ADGRB3: variants seen among roughly 807,000 people sequenced by gnomAD.
ADGRB3 encodes brain-specific angiogenesis inhibitor 3.
ADGRB3 carries 37 observed loss-of-function variants against 193.4 expected under a neutral mutation model. The observed-to-expected ratio is 0.19, with a 90% CI of 0.15 to 0.25. The LOEUF (loss-of-function observed/expected upper bound fraction) is 0.25, where lower values mean the gene tolerates loss of function less well. Ranked by LOEUF, ADGRB3 falls within the 10% of genes least tolerant of loss-of-function variation. The pLI is 1.00. For synonymous variants in ADGRB3, 690 were observed against 644.2 expected (o/e 1.07, Z -1.08); for missense variants, 1,637 against 1,852.9 (o/e 0.88, Z 2.14).
At chr6:69,249,223 G>T (rs1766565607) in intron 20 of ADGRB3, among the ~76,000 whole-genome samples, 1 of 152,092 alleles carries the variant, frequency 6.6e-6, no homozygotes, top group South Asian at 2.1e-4. Context: ...TGTTCTGCCT[G>T]CCTTGGCGTC....
rs758454899 is a variant in ADGRB3, at chr6:68,936,699, A to G, written c.1030+19A>G. The G allele has an allele frequency of 5.0e-6, 8 of 1,602,640 alleles. No individual in the cohort carries two copies. Among genetic ancestry groups the G allele is most frequent in the Non-Finnish European group, 6.8e-6 (8 of 1,172,768 alleles). ...TGTCCAGGTAGTGTTAGCAGCAACT[A>G]CAACTGTGGATGTTATTGAATTGTG... On this transcript the variant is annotated intron_variant, in intron 5 of 31. Coordinates refer to ENST00000370598, the MANE Select transcript of ADGRB3 (RefSeq NM_001704.3).
intron 20 of ADGRB3, among the ~76,000 whole-genome samples, chr6:69,294,029 T>C (rs549285376): frequency 3.0e-4 from 45 of 152,282 alleles, no homozygotes; most frequent in African/African-American, 1.1e-3. Context: ...CTCCTATTGC[T>C]AATCTCTTGG....
At chr6:69,010,661 G>T (rs1424175908) in intron 11 of ADGRB3, among the ~76,000 whole-genome samples, 1 of 151,578 alleles carries the variant, frequency 6.6e-6, no homozygotes, top group African/African-American at 2.4e-5. Flanking sequence ...GTTAATAATT[G>T]ATGGGGAAAA....
At chr6:69,093,876 T>C (rs1772790302) in intron 17 of ADGRB3, among the ~76,000 whole-genome samples, 1 of 152,172 alleles carries the variant, frequency 6.6e-6, no homozygotes, top group African/African-American at 2.4e-5. Context: ...TTTGCTTTGC[T>C]AGGGAGTTTG....
intron 20 of ADGRB3, among the ~76,000 whole-genome samples, chr6:69,258,688 G>A (rs1266956825): frequency 6.6e-6 from 1 of 152,214 alleles, no homozygotes; most frequent in Non-Finnish European, 1.5e-5. Context: ...ATATATTTGA[G>A]AAATGAAGTG....
intron 20 of ADGRB3, among the ~76,000 whole-genome samples, chr6:69,273,592 C>G (rs1767227610): frequency 1.3e-5 from 2 of 152,226 alleles, no homozygotes; most frequent in African/African-American, 4.8e-5. Flanking sequence ...CACTTTCATC[C>G]CTTGGTTTCC....
In ADGRB3 at chr6:69,109,469, A is replaced by G. The variant is rs559951368; in HGVS notation, c.2480+33431A>G. On this transcript the variant is annotated intron_variant, in intron 17 of 31. Coordinates refer to ENST00000370598, the MANE Select transcript of ADGRB3 (RefSeq NM_001704.3). ...AATAAAAGTAAATAGTAAAAATAGC[A>G]ATGATAAGAAGTAATACTGATTACT... Among the ~76,000 whole-genome samples, 4 of 152,318 alleles carry G rather than the reference A, an allele frequency of 2.6e-5. No homozygotes were observed. The South Asian group carries it at 8.3e-4, about 32-fold the overall frequency.
intron 3 of ADGRB3, among the ~76,000 whole-genome samples, chr6:68,827,192 A>G (rs1300295915): frequency 6.6e-6 from 1 of 152,134 alleles, no homozygotes; most frequent in African/African-American, 2.4e-5. Flanking sequence ...CAGCCCTTTA[A>G]TTAGGAGAAC....
intron 20 of ADGRB3, among the ~76,000 whole-genome samples, chr6:69,297,368 TTC>T (rs70987459): frequency 0.12 from 11,878 of 97,228 alleles, 534 homozygotes; most frequent in Middle Eastern, 0.14. Flanking sequence ...CTCTCTCTCT[TTC>T]TCTCTCTCTC....
intron 3 of ADGRB3, among the ~76,000 whole-genome samples, chr6:68,723,413 C>G (rs1765618988): frequency 6.6e-6 from 1 of 151,658 alleles, no homozygotes; most frequent in African/African-American, 2.4e-5. Context: ...TCTGTCTTAC[C>G]TGGTAAGCGA....
intron 17 of ADGRB3, among the ~76,000 whole-genome samples, chr6:69,160,244 C>G (rs750684555): frequency 2.0e-5 from 3 of 152,106 alleles, no homozygotes; most frequent in Non-Finnish European, 4.4e-5. Context: ...CCATCCCATG[C>G]AGAGAAAAAC....
At chr6:69,229,073 T>C (rs1490440945) in intron 17 of ADGRB3, among the ~76,000 whole-genome samples, 1 of 152,184 alleles carries the variant, frequency 6.6e-6, no homozygotes, top group Non-Finnish European at 1.5e-5. Flanking sequence ...ATGGGCTAGA[T>C]GATCACTAAA....
At chr6:69,240,045 TC>T (rs1295238723) in intron 20 of ADGRB3, among the ~76,000 whole-genome samples, 1 of 152,086 alleles carries the variant, frequency 6.6e-6, no homozygotes, top group East Asian at 1.9e-4. Context: ...TTAAAAATTT[TC>T]CCATAAGCCA....
At chr6:68,811,289 G>A (rs1430315267) in intron 3 of ADGRB3, among the ~76,000 whole-genome samples, 1 of 151,916 alleles carries the variant, frequency 6.6e-6, no homozygotes, top group Non-Finnish European at 1.5e-5. Flanking sequence ...TGTTTTTTCT[G>A]TATAAATCCA....
At position 68,908,545 on chromosome 6, in the gene ADGRB3, C is replaced by G. The variant is rs190896978; in HGVS notation, c.758-22014C>G. The stretch of plus-strand genomic sequence containing the variant: ...GTCTTATTTGCTTTGTAGACCCTAT[C>G]CAACCTCACCCAATCACAGTCAAAA... On this transcript the variant is annotated intron_variant, in intron 3 of 31. Transcript: ENST00000370598. Among the ~76,000 whole-genome samples, 453 of 152,188 alleles carry G rather than the reference C, an allele frequency of 3.0e-3. 1 individual carries two copies. Among genetic ancestry groups the G allele is most frequent in the African/African-American group, 0.011 (445 of 41,560 alleles).
chr6:68,898,980 C>T (rs371034903), intron 3 of ADGRB3, among the ~76,000 whole-genome samples: 118 of 152,128 alleles, frequency 7.8e-4, no homozygotes, highest in African/African-American at 2.4e-3. Flanking sequence ...GATATTAGAA[C>T]AGAAAAAGGA....
intron 3 of ADGRB3, among the ~76,000 whole-genome samples, chr6:68,876,340 T>C (rs1212169651): frequency 6.6e-6 from 1 of 152,036 alleles, no homozygotes; most frequent in Non-Finnish European, 1.5e-5. Flanking sequence ...AACAAAGAGA[T>C]GATCAGGCTG....
chr6:69,150,678 G>C (rs1774647408), intron 17 of ADGRB3, among the ~76,000 whole-genome samples: 1 of 152,158 alleles, frequency 6.6e-6, no homozygotes, highest in Non-Finnish European at 1.5e-5. Context: ...TAAACAAAAG[G>C]AGGCTTTCCT....
intron 17 of ADGRB3, among the ~76,000 whole-genome samples, chr6:69,077,494 G>A (rs79131187): frequency 0.01 from 1,592 of 151,666 alleles, 29 homozygotes; most frequent in African/African-American, 0.036. Context: ...TGATCTAAAC[G>A]GGGGAAAGTG....
Sources: gnomAD v4.1 joint callset for allele counts (sites outside exome capture counted in the v4.1 genomes callset) on GRCh38, gnomAD v4.1.1 for gene constraint, MANE v1.5 for transcripts, NCBI Gene and HGNC (gene_info 2026-07-23, HGNC 2026-07-21) for gene names.